AKAP12: variants seen among roughly 807,000 people sequenced by gnomAD.
AKAP12 encodes the protein A-kinase anchor protein 12.
A neutral mutation model predicts 79.9 loss-of-function variants in AKAP12; 32 were observed. The observed-to-expected ratio is 0.40, with a 90% CI of 0.30 to 0.54. The LOEUF (loss-of-function observed/expected upper bound fraction) is 0.54, where lower values mean the gene tolerates loss of function less well. Ranked by LOEUF, AKAP12 falls within the 20% of genes least tolerant of loss-of-function variation. The pLI, the probability that AKAP12 is intolerant of heterozygous loss-of-function variation, is 0.48. For synonymous variants in AKAP12, 808 were observed against 857.0 expected (o/e 0.94, Z 1.00); for missense variants, 2,074 against 2,177.0 (o/e 0.95, Z 0.94).
intron 2 of AKAP12, among the ~76,000 whole-genome samples, chr6:151,292,983 T>G (rs1295525708): frequency 6.6e-6 from 1 of 152,240 alleles, no homozygotes; most frequent in Admixed American, 6.5e-5. Flanking sequence ...GGACACACCT[T>G]TGATTAGAAG....
intron 3 of AKAP12, chr6:151,324,491 C>T (rs570858931): frequency 6.1e-6 from 6 of 985,446 alleles, no homozygotes; most frequent in African/African-American, 1.7e-5. Context: ...CCTGATTCTC[C>T]TGTTCCTCGC....
intron 3 of AKAP12, chr6:151,325,952 T>G: frequency 6.2e-7 from 1 of 1,611,886 alleles, no homozygotes; most frequent in Admixed American, 1.7e-5. Flanking sequence ...AAAGGGGCTT[T>G]CTTCCGTTGA....
chr6:151,316,197 T>A (rs1367384850), intron 3 of AKAP12, among the ~76,000 whole-genome samples: 1 of 152,214 alleles, frequency 6.6e-6, no homozygotes, highest in Admixed American at 6.5e-5. Context: ...CAAATTGCTC[T>A]TTACTTCAAG....
chr6:151,323,778 G>C, intron 3 of AKAP12: 1 of 985,388 alleles, frequency 1.0e-6, no homozygotes, highest in Non-Finnish European at 1.2e-6. Context: ...CTGATAGAAA[G>C]GAGAGGAGCT....
rs151181072 is a variant in AKAP12 at position 151,356,870 on chromosome 6, T to C, written c.*1156T>C. 2 of 152,372 alleles carry C rather than the reference T, an allele frequency of 1.3e-5. No homozygotes were observed. The highest frequency in any genetic ancestry group is 2.9e-5 in the Non-Finnish European group (2 of 68,042). The allele number at this position is 152,372 out of a possible 1,614,324, so 9.4% of individuals were successfully genotyped here. On this transcript the variant is annotated 3_prime_UTR_variant, in exon 5 of 5. Coordinates refer to ENST00000402676, the MANE Select transcript of AKAP12 (RefSeq NM_005100.4). ...TGATTGATAAGCTAGAACTTTCTGATGTAGTCATTACATGAAACCCCTTGT... is the reference window on the plus strand; with the variant it reads ...TGATTGATAAGCTAGAACTTTCTGACGTAGTCATTACATGAAACCCCTTGT...
chr6:151,310,082 C>G (rs2294798), intron 3 of AKAP12, among the ~76,000 whole-genome samples: 49,477 of 151,782 alleles, frequency 0.33, 8,552 homozygotes, highest in African/African-American at 0.45. Context: ...CAAACAAGAG[C>G]CTGGGTGCAG....
At chr6:151,263,041 G>C (rs914983898) in intron 2 of AKAP12, among the ~76,000 whole-genome samples, 1 of 151,976 alleles carries the variant, frequency 6.6e-6, no homozygotes, top group Non-Finnish European at 1.5e-5. Context: ...CTTTTCGGGG[G>C]TTATTTTGTT....
chr6:151,290,010 AG>A (rs1776583381), intron 2 of AKAP12, among the ~76,000 whole-genome samples: 1 of 152,218 alleles, frequency 6.6e-6, no homozygotes, highest in African/African-American at 2.4e-5. Context: ...TTTCGTGTTT[AG>A]AAGGTAACGC....
chr6:151,304,666 C>T (rs1776939392), intron 2 of AKAP12, among the ~76,000 whole-genome samples: 1 of 151,626 alleles, frequency 6.6e-6, no homozygotes, highest in African/African-American at 2.4e-5. Context: ...CCACATCCAC[C>T]TCCAGGTTCA....
rs1778315542 is a variant in AKAP12, at chr6:151,352,291, T to C, written c.3900T>C (p.Thr1300=). 1.2e-6 allele frequency: 2 copies of C among 1,614,066 alleles called. No homozygotes were observed. Among genetic ancestry groups the C allele is most frequent in the African/African-American group, 2.7e-5 (2 of 74,930 alleles). The change falls in exon 4 of 5, where the codon ACT becomes ACC. Residue 1300 remains threonine (T), a synonymous_variant. Transcript: ENST00000402676. ...TGITVSREKV[T]EVALKGEGTE... ...TAACAGTCAGTCGGGAAAAGGTCACTGAAGTTGCCCTTAAAGGTGAAGGGA... is the reference window on the plus strand; with the variant it reads ...TAACAGTCAGTCGGGAAAAGGTCACCGAAGTTGCCCTTAAAGGTGAAGGGA...
At chr6:151,299,268 T>A (rs2114747182) in intron 2 of AKAP12, among the ~76,000 whole-genome samples, 1 of 152,340 alleles carries the variant, frequency 6.6e-6, no homozygotes, top group Non-Finnish European at 1.5e-5. Flanking sequence ...CTAGATGATC[T>A]TAAAAGATTT....
At chr6:151,325,845 T>C (rs754525130) in intron 3 of AKAP12, 61 of 1,613,924 alleles carry the variant, frequency 3.8e-5, no homozygotes, top group Non-Finnish European at 3.6e-5. Flanking sequence ...TCCTGTACAG[T>C]AGTGCTACTT....
Position 151,240,685 on chromosome 6 carries a change from C to A in AKAP12, c.123C>A (p.Thr41=). 7.8e-7 allele frequency: 1 copy of A among 1,287,176 alleles called. No homozygotes were observed. Among genetic ancestry groups the A allele is most frequent in the Non-Finnish European group, 9.8e-7 (1 of 1,019,702 alleles). The allele number at this position is 1,287,176 out of a possible 1,614,324, so 79.7% of individuals were successfully genotyped here. A position where few individuals can be genotyped will look rare whatever the true frequency, so the allele number is the denominator to read the frequency against. ...CGGCCGAGGCGGCGCCAGACACCACCGCGGACCCCGCCATCGCTGCCTCGG... is the reference window on the plus strand; with the variant it reads ...CGGCCGAGGCGGCGCCAGACACCACAGCGGACCCCGCCATCGCTGCCTCGG... ...GPSAEAAPDT[T]ADPAIAASDP... The change falls in exon 2 of 5, where the codon ACC becomes ACA. Residue 41 remains threonine (T), a synonymous_variant. Transcript: ENST00000402676.
At chr6:151,280,287 T>A (rs868862431) in intron 2 of AKAP12, among the ~76,000 whole-genome samples, 6 of 152,026 alleles carry the variant, frequency 3.9e-5, no homozygotes, top group African/African-American at 1.2e-4. Flanking sequence ...ATATATAATA[T>A]AATTTTGATA....
chr6:151,258,987 A>G (rs1463072876), intron 2 of AKAP12, among the ~76,000 whole-genome samples: 2 of 151,196 alleles, frequency 1.3e-5, no homozygotes, highest in South Asian at 2.1e-4. Flanking sequence ...ATATACACAT[A>G]ATGTATCTAT....
intron 3 of AKAP12, among the ~76,000 whole-genome samples, chr6:151,335,343 G>A (rs1777784783): frequency 6.6e-6 from 1 of 152,160 alleles, no homozygotes; most frequent in African/African-American, 2.4e-5. Flanking sequence ...TAAAGTTTTT[G>A]TTATTTTTAT....
chr6:151,253,523 G>C (rs1797231264), intron 2 of AKAP12, among the ~76,000 whole-genome samples: 1 of 151,972 alleles, frequency 6.6e-6, no homozygotes, highest in South Asian at 2.1e-4. Context: ...ACTGCACCCG[G>C]CCAAAACAGT....
intron 2 of AKAP12, among the ~76,000 whole-genome samples, chr6:151,244,522 T>G (rs533292153): frequency 3.8e-4 from 52 of 136,554 alleles, no homozygotes; most frequent in Non-Finnish European, 7.1e-4. Flanking sequence ...AGACTCTGTC[T>G]CAAAGAAACA....
At chr6:151,336,856 T>A (rs1301024648) in intron 3 of AKAP12, among the ~76,000 whole-genome samples, 2 of 152,232 alleles carry the variant, frequency 1.3e-5, no homozygotes, top group African/African-American at 4.8e-5. Context: ...CTTTGCCGTT[T>A]GTATGTCTTC....
Sources: allele counts gnomAD v4.1 joint callset (sites outside exome capture counted in the v4.1 genomes callset), GRCh38; gene constraint gnomAD v4.1.1; transcripts MANE v1.5; gene names NCBI Gene and HGNC (gene_info 2026-07-23, HGNC 2026-07-21).